SULT1C3: variants seen among roughly 807,000 people sequenced by gnomAD.
SULT1C3 encodes sulfotransferase family 1C member 3.
Under a neutral mutation model 28.4 loss-of-function variants are expected in SULT1C3, and 31 were observed. The observed-to-expected ratio is 1.09, with a 90% CI of 0.82 to 1.47. SULT1C3 has a LOEUF of 1.47. Ranked by LOEUF, SULT1C3 falls within the 40% of genes most tolerant of loss-of-function variation. The pLI is 0.00. For missense variants in SULT1C3, 307 were observed against 272.5 expected (o/e 1.13, Z -0.89); for synonymous variants, 106 against 92.2 (o/e 1.15, Z -0.86).
At chr2:108,259,964 T>C (rs557228256) in intron 7 of SULT1C3, among the ~76,000 whole-genome samples, 1 of 152,246 alleles carries the variant, frequency 6.6e-6, no homozygotes, top group African/African-American at 2.4e-5. Flanking sequence ...TTTGATATTA[T>C]GGGCAAGCAT....
At chr2:108,244,960 CAGTGCTTCAAAATACACTCCAGGGG>C (rs1380776405) in intron 1 of SULT1C3, among the ~76,000 whole-genome samples, 7 of 152,264 alleles carry the variant, frequency 4.6e-5, no homozygotes, top group Admixed American at 4.6e-4. Flanking sequence ...GAAGGAGTCC[CAGTGCTTCAAAATACACTCCAGGGG>C]AGTGCATGTT....
At chr2:108,264,297 A>T (rs1676083457), downstream of SULT1C3, among the ~76,000 whole-genome samples, 1 of 152,218 alleles carries the variant, frequency 6.6e-6, no homozygotes, top group Admixed American at 6.5e-5. Flanking sequence ...TCTTTGATCA[A>T]AAAGATCCAA....
At chr2:108,252,296 A>G in intron 2 of SULT1C3, 69 bp from the exon 3 acceptor site, 1 of 1,469,308 alleles carries the variant, frequency 6.8e-7, no homozygotes, top group Non-Finnish European at 9.2e-7. Context: ...GTCTTTCTTC[A>G]AAATATTCAA....
chr2:108,247,125 T>C, intron 1 of SULT1C3, 63 bp from the exon 2 acceptor site: 1 of 1,272,708 alleles, frequency 7.9e-7, no homozygotes, highest in South Asian at 2.6e-5. Context: ...TGATAACCCA[T>C]ACTATGAACC....
At chr2:108,262,421 A>C (rs1363214277), downstream of SULT1C3, among the ~76,000 whole-genome samples, 2 of 152,224 alleles carry the variant, frequency 1.3e-5, no homozygotes, top group Non-Finnish European at 2.9e-5. Flanking sequence ...CCTTGGACTC[A>C]GAGTATTGAT....
intron 2 of SULT1C3, among the ~76,000 whole-genome samples, chr2:108,249,633 G>C (rs1210650570): frequency 6.6e-6 from 1 of 151,962 alleles, no homozygotes; most frequent in African/African-American, 2.4e-5. Context: ...AAATAAATAA[G>C]GAGGCATACC....
At position 108,252,474 on chromosome 2, in the gene SULT1C3, T is replaced by G. The variant is rs779409915; in HGVS notation, c.282T>G (p.Phe94Leu). The change falls in exon 3 of 8, where the codon TTT becomes TTG. Residue 94 changes from phenylalanine (F) to leucine (L), a missense_variant. Phe to Leu is a conservative substitution (Grantham distance 22). Coordinates refer to ENST00000681802, the MANE Select transcript of SULT1C3 (RefSeq NM_001320878.2). ...GACACGCTTTCCTTGAACTGAAATTTCCCCATAAAGAAAAACCAGGTGAGT... is the reference window on the plus strand; with the variant it reads ...GACACGCTTTCCTTGAACTGAAATTGCCCCATAAAGAAAAACCAGGTGAGT... ...LDRHAFLELK[F>L]PHKEKPDLEF... 1 of 1,612,180 alleles carries G rather than the reference T, an allele frequency of 6.2e-7. No individual in the cohort carries two copies. Among genetic ancestry groups the G allele is most frequent in the South Asian group, 1.1e-5 (1 of 90,952 alleles).
intron 4 of SULT1C3, 67 bp from the exon 5 acceptor site, chr2:108,255,505 C>T (rs1675844344): frequency 6.4e-7 from 1 of 1,551,664 alleles, no homozygotes. Flanking sequence ...TATTGAAACA[C>T]TCACTTGAGT....
chr2:108,259,491 G>A (rs1432975215), intron 7 of SULT1C3, among the ~76,000 whole-genome samples: 4 of 152,050 alleles, frequency 2.6e-5, no homozygotes, highest in African/African-American at 9.7e-5. Context: ...CCTCAACCAT[G>A]AACTTCCCTT....
chr2:108,242,354 G>C (rs1675480228), intron 1 of SULT1C3, among the ~76,000 whole-genome samples: 1 of 152,154 alleles, frequency 6.6e-6, no homozygotes, highest in Non-Finnish European at 1.5e-5. Flanking sequence ...TTTTTCATTT[G>C]CCAGTTTTTT....
intron 4 of SULT1C3, among the ~76,000 whole-genome samples, chr2:108,254,055 C>G (rs1375400470): frequency 6.6e-6 from 1 of 151,980 alleles, no homozygotes; most frequent in East Asian, 1.9e-4. Context: ...AGACCTGCCC[C>G]CTCCAACCCC....
At chr2:108,241,417 C>T (rs896789974) in intron 1 of SULT1C3, among the ~76,000 whole-genome samples, 3 of 152,206 alleles carry the variant, frequency 2.0e-5, no homozygotes, top group African/African-American at 7.2e-5. Context: ...ATGTACCTTA[C>T]TCAATTATTA....
intron 4 of SULT1C3, 81 bp from the exon 5 acceptor site, chr2:108,255,491 A>G: frequency 6.7e-7 from 1 of 1,486,220 alleles, no homozygotes; most frequent in Non-Finnish European, 9.2e-7. Flanking sequence ...TATGGTTACC[A>G]TTGTATTGAA....
chr2:108,244,504 C>A (rs1181562250), intron 1 of SULT1C3, among the ~76,000 whole-genome samples: 1 of 151,922 alleles, frequency 6.6e-6, no homozygotes, highest in Admixed American at 6.6e-5. Context: ...CTATTTTTTT[C>A]TTTTCCATTT....
chr2:108,242,017 C>T (rs990706524), intron 1 of SULT1C3, among the ~76,000 whole-genome samples: 6 of 151,028 alleles, frequency 4.0e-5, no homozygotes, highest in East Asian at 1.9e-4. Context: ...CAGACAGAAA[C>T]GCAAATAAAG....
rs1346380401 is a variant in SULT1C3, at chr2:108,260,868, A to G, written c.*188A>G. On this transcript the variant is annotated 3_prime_UTR_variant, in exon 8 of 8. Coordinates refer to ENST00000681802, the MANE Select transcript of SULT1C3 (RefSeq NM_001320878.2). ...CAAACCAGTTACTCCAGTAAATAAA[A>G]TAAGAGAATTAGAGAGCAGAGTCCG... Among the ~76,000 whole-genome samples the G allele has an allele frequency of 6.6e-6, 1 of 152,192 alleles. No homozygotes were observed. The highest frequency in any genetic ancestry group is 1.5e-5 in the Non-Finnish European group (1 of 68,028).
At chr2:108,241,120 C>T (rs754944946) in intron 1 of SULT1C3, among the ~76,000 whole-genome samples, 3 of 152,236 alleles carry the variant, frequency 2.0e-5, no homozygotes, top group Non-Finnish European at 2.9e-5. Flanking sequence ...GTTAGGAACC[C>T]TGTGCCACAC....
chr2:108,264,835 G>C, downstream of SULT1C3: 1 of 1,609,746 alleles, frequency 6.2e-7, no homozygotes, highest in Non-Finnish European at 8.5e-7. Context: ...GACCCAAAGC[G>C]GGAAATTGAG....
chr2:108,256,085 T>A (rs1675861060), intron 5 of SULT1C3, among the ~76,000 whole-genome samples: 1 of 151,956 alleles, frequency 6.6e-6, no homozygotes, highest in African/African-American at 2.4e-5. Flanking sequence ...GTTACAAAAG[T>A]CATACACTGC....
Sources: gnomAD v4.1 joint callset for allele counts (sites outside exome capture counted in the v4.1 genomes callset) on GRCh38, gnomAD v4.1.1 for gene constraint, MANE v1.5 for transcripts, NCBI Gene and HGNC (gene_info 2026-07-23, HGNC 2026-07-21) for gene names.